The following SCN7A variants were observed in gnomAD, a reference collection of about 807,000 sequenced individuals.
SCN7A encodes sodium channel protein type 7 subunit alpha.
In SCN7A, 138 loss-of-function variants were observed where a neutral mutation model predicts 155.2. That is an observed-to-expected ratio of 0.89 (90% CI 0.77 to 1.02). The LOEUF (loss-of-function observed/expected upper bound fraction) is 1.02. Among genes scored for constraint, SCN7A ranks in the 50% least tolerant of loss-of-function variants. The pLI is 0.00. For synonymous variants in SCN7A, 693 were observed against 649.0 expected (o/e 1.07, Z -1.03); for missense variants, 2,058 against 1,986.6 (o/e 1.04, Z -0.68).
intron 7 of SCN7A, among the ~76,000 whole-genome samples, chr2:166,467,528 T>C (rs1216612600): frequency 6.6e-6 from 1 of 150,718 alleles, no homozygotes; most frequent in Non-Finnish European, 1.5e-5. Context: ...GATAGATAGA[T>C]AGATAATTTC....
intron 3 of SCN7A, among the ~76,000 whole-genome samples, chr2:166,475,104 GTATATATATATATATACATATATATATA>G (rs1295636585): frequency 2.3e-5 from 2 of 86,026 alleles, no homozygotes; most frequent in African/African-American, 3.8e-5. Flanking sequence ...ACATATATAT[GTATATATATATATATACATATATATATA>G]TATATACACA....
rs1559100004 is a variant in SCN7A at position 166,432,451 on chromosome 2, T to C, written c.2459A>G (p.Glu820Gly). 2 of 1,613,576 alleles carry C rather than the reference T, an allele frequency of 1.2e-6. No homozygotes were observed. Among genetic ancestry groups the C allele is most frequent in the Non-Finnish European group, 1.7e-6 (2 of 1,179,692 alleles). Residue 820 changes from glutamate to glycine, a missense_variant, in exon 16 of 26, where the codon GAA (glutamate) becomes GGA (glycine). Transcript: ENST00000643258. ...GGGGATAAGTGATTGGCTCTCATTT[T>C]CAGTAGCGTTTTTCTCTGTGCCACT... ...KSSGTEKNAT[E>G]NESQSLIPSP...
chr2:166,425,180 G>A (rs1358360550), intron 18 of SCN7A, among the ~76,000 whole-genome samples: 1 of 152,088 alleles, frequency 6.6e-6, no homozygotes, highest in Non-Finnish European at 1.5e-5. Context: ...ATTATGAAGA[G>A]GCCTACAATA....
chr2:166,449,697 C>T lies in SCN7A; in HGVS notation c.1291-1989G>A, dbSNP rs186640258. ...TGGTCAACACATACATGATAAAATG[C>T]TCAACCTCAGTAATCATTAGAGAAA... On this transcript the variant is annotated intron_variant, in intron 11 of 25. Coordinates refer to ENST00000643258, the MANE Select transcript of SCN7A (RefSeq NM_002976.4). 4.9e-4 allele frequency among the ~76,000 whole-genome samples: 74 copies of T among 152,122 alleles called. No individual in the cohort carries two copies. In the South Asian group the frequency reaches 6.9e-3, roughly 14 times the overall value.
At chr2:166,456,845 T>C (rs1483956584) in intron 11 of SCN7A, 25 bp downstream of exon 11, 10 of 1,127,860 alleles carry the variant, frequency 8.9e-6, no homozygotes, top group Non-Finnish European at 1.2e-5. Context: ...GATAGATAGA[T>C]AGATAGATAG....
At position 166,444,845 on chromosome 2, in the gene SCN7A, T is replaced by A. The variant is rs199980327; in HGVS notation, c.1543A>T (p.Ile515Leu). The A allele has an allele frequency of 1.2e-6, 2 of 1,612,022 alleles. No homozygotes were observed. The highest frequency in any genetic ancestry group is 1.7e-6 in the Non-Finnish European group (2 of 1,178,706). The change falls in exon 13 of 26, where the codon ATA becomes TTA. Residue 515 changes from isoleucine (I) to leucine (L), a missense_variant. Coordinates refer to ENST00000643258, the MANE Select transcript of SCN7A (RefSeq NM_002976.4). Reference sequence around the variant, plus strand: ...GTCAGAAAACATACGTTTAAAATTATGCATATGATAAGGAAAAGATCAGTA... The same window carrying A: ...GTCAGAAAACATACGTTTAAAATTAAGCATATGATAAGGAAAAGATCAGTA... ...PFTDLFLIIC[I>L]ILNVCFLTLE... is the part of the protein sequence containing the mutation.
chr2:166,475,119 T>TATATACAC lies in SCN7A; in HGVS notation c.235-776_235-775insGTGTATAT, dbSNP rs763878028. Among the ~76,000 whole-genome samples the TATATACAC allele has an allele frequency of 9.5e-4, 123 of 130,154 alleles. 2 individuals carry two copies. The highest frequency in any genetic ancestry group is 3.2e-3 in the African/African-American group (113 of 35,272). The allele number at this position is 130,154 out of a possible 152,430, so 85.4% of individuals were successfully genotyped here. On this transcript the variant is annotated intron_variant, in intron 3 of 25. Coordinates refer to ENST00000643258, the MANE Select transcript of SCN7A (RefSeq NM_002976.4). ...ACATATATATGTATATATATATATATACATATATATATATATATACACACA... is the reference window on the plus strand; with the variant it reads ...ACATATATATGTATATATATATATATATATACACACATATATATATATATATACACACA...
At chr2:166,413,999 AT>A (rs1701263760) in intron 21 of SCN7A, among the ~76,000 whole-genome samples, 2 of 100,980 alleles carry the variant, frequency 2.0e-5, no homozygotes, top group East Asian at 2.5e-4. Flanking sequence ...ATATATATAT[AT>A]ATAAATATAC....
intron 2 of SCN7A, among the ~76,000 whole-genome samples, chr2:166,480,413 G>A (rs1458826206): frequency 1.3e-5 from 2 of 149,242 alleles, no homozygotes; most frequent in African/African-American, 2.5e-5. Flanking sequence ...AGCCGAGATC[G>A]CACCACTGCA....
At chr2:166,413,015 A>G in intron 22 of SCN7A, 53 bp downstream of exon 22, 2 of 1,314,060 alleles carry the variant, frequency 1.5e-6, no homozygotes, top group Non-Finnish European at 1.1e-6. Context: ...TCGAATTGCA[A>G]AAATGACTTT....
intron 2 of SCN7A, among the ~76,000 whole-genome samples, chr2:166,479,640 T>G (rs1702876345): frequency 6.6e-6 from 1 of 152,104 alleles, no homozygotes; most frequent in South Asian, 2.1e-4. Flanking sequence ...CTTTATTTGG[T>G]TTTTCAGTTT....
intron 25 of SCN7A, among the ~76,000 whole-genome samples, chr2:166,406,881 T>C (rs1559083299): frequency 6.6e-6 from 1 of 152,038 alleles, no homozygotes; most frequent in African/African-American, 2.4e-5. Flanking sequence ...ATTATTTTTC[T>C]GTAACATCAT....
At position 166,432,349 on chromosome 2, in the gene SCN7A, T is replaced by C. The variant is rs1701749182; in HGVS notation, c.2561A>G (p.Gln854Arg). Reference protein sequence around the residue: ...DIENLDNKEIQSKSGDGGSKE... With the variant: ...DIENLDNKEIRSKSGDGGSKE... ...GCTGCCTCCATCACCAGACTTACTCTGAATCTCCTTATTATCCAGATTTTC... is the reference window on the plus strand; with the variant it reads ...GCTGCCTCCATCACCAGACTTACTCCGAATCTCCTTATTATCCAGATTTTC... The change falls in exon 16 of 26, where the codon CAG (glutamine) becomes CGG (arginine). Residue 854 changes from glutamine (Q) to arginine (R), a missense_variant. Transcript: ENST00000643258. 7 of 1,611,484 alleles carry C rather than the reference T, an allele frequency of 4.3e-6. No homozygotes were observed. The highest frequency in any genetic ancestry group is 1.7e-5 in the Admixed American group (1 of 59,622).
chr2:166,462,324 C>T (rs2105477425), intron 10 of SCN7A, 65 bp downstream of exon 10: 1 of 1,459,950 alleles, frequency 6.8e-7, no homozygotes. Context: ...TACATTTGAC[C>T]ATTATCTTAG....
chr2:166,411,699 T>C (rs1701206389), intron 23 of SCN7A, among the ~76,000 whole-genome samples: 1 of 152,006 alleles, frequency 6.6e-6, no homozygotes, highest in Non-Finnish European at 1.5e-5. Flanking sequence ...CATCTTAACG[T>C]GAACAGAAAC....
chr2:166,455,735 TTGAG>T (rs749553548), intron 11 of SCN7A, among the ~76,000 whole-genome samples: 8 of 152,168 alleles, frequency 5.3e-5, no homozygotes, highest in Non-Finnish European at 1.0e-4. Flanking sequence ...ACCTAGTTTA[TTGAG>T]TGTTTTTAGC....
intron 10 of SCN7A, chr2:166,462,146 CCTCTCTT>C: frequency 2.8e-6 from 1 of 351,548 alleles, no homozygotes; most frequent in Non-Finnish European, 5.1e-6. Context: ...TTCTCTCTCT[CCTCTCTT>C]CTCTCTCTCT....
At chr2:166,425,954 T>C in intron 18 of SCN7A, among the ~76,000 whole-genome samples, 1 of 152,114 alleles carries the variant, frequency 6.6e-6, no homozygotes, top group South Asian at 2.1e-4. Context: ...TGTGTTGACA[T>C]GGGGGTCACA....
At chr2:166,483,445 G>A (rs1454109622) in intron 2 of SCN7A, among the ~76,000 whole-genome samples, 1 of 151,786 alleles carries the variant, frequency 6.6e-6, no homozygotes, top group Non-Finnish European at 1.5e-5. Flanking sequence ...TACATATTAT[G>A]TTGTATTTGT....
Sources: gnomAD v4.1 joint callset for allele counts (sites outside exome capture counted in the v4.1 genomes callset) on GRCh38, gnomAD v4.1.1 for gene constraint, MANE v1.5 for transcripts, NCBI Gene and HGNC (gene_info 2026-07-23, HGNC 2026-07-21) for gene names.